Variants in BTBD2 observed in about 807,000 individuals in gnomAD.
The protein encoded by BTBD2 is BTB/POZ domain-containing protein 2.
In BTBD2, 15 loss-of-function variants were observed where a neutral mutation model predicts 44.0. That is an observed-to-expected ratio of 0.34 (90% confidence interval 0.23 to 0.53). The LOEUF (loss-of-function observed/expected upper bound fraction) is 0.53. BTBD2 is among the 20% of genes least tolerant of loss of function. The pLI, the probability that BTBD2 is intolerant of heterozygous loss-of-function variation, is 0.95. For synonymous variants in BTBD2, 443 were observed against 335.9 expected (o/e 1.32, Z -3.49); for missense variants, 657 against 746.4 (o/e 0.88, Z 1.39).
intron 1 of BTBD2, among the ~76,000 whole-genome samples, chr19:2,001,789 G>A (rs2016333550): frequency 6.6e-6 from 1 of 152,222 alleles, no homozygotes; most frequent in Non-Finnish European, 1.5e-5. Context: ...CCAGGCTGGA[G>A]TGCAGTGGCG....
At chr19:1,992,981 GGCCT>G in intron 3 of BTBD2, 35 bp downstream of exon 3, 1 of 505,172 alleles carries the variant, frequency 2.0e-6, no homozygotes, top group Non-Finnish European at 2.9e-6. Flanking sequence ...CCTCCAGCCA[GGCCT>G]GGCCCCGCCC....
At chr19:1,991,701 C>G (rs963306446) in intron 3 of BTBD2, among the ~76,000 whole-genome samples, 1 of 152,214 alleles carries the variant, frequency 6.6e-6, no homozygotes, top group Non-Finnish European at 1.5e-5. Context: ...CCGCTGTCCC[C>G]TCTGGCCACC....
chr19:2,015,325 GC>G lies in BTBD2; in HGVS notation c.378del (p.Leu127SerfsTer64). ...TGCGCGGGGATGCGCTGCGAGCTGAGCCCCTTGCCCACCAGGAAGTGCACGT... is the reference window on the plus strand; with the variant it reads ...TGCGCGGGGATGCGCTGCGAGCTGAGCCCTTGCCCACCAGGAAGTGCACGT... ...LCDVHFLVGK[G>X]LSSQRIPAHR... On this transcript the variant is annotated frameshift_variant, in exon 1 of 9. Transcript: ENST00000255608. LOFTEE classifies it high-confidence loss of function. The G allele has an allele frequency of 6.3e-7, 1 of 1,576,882 alleles. No homozygotes were observed. Among genetic ancestry groups the G allele is most frequent in the East Asian group, 2.3e-5 (1 of 43,748 alleles).
Position 2,011,113 on chromosome 19 carries a change from C to T in BTBD2, c.407+4184G>A, listed in dbSNP as rs565593869. Among the ~76,000 whole-genome samples, 16 of 152,198 alleles carry T rather than the reference C, an allele frequency of 1.1e-4. No individual in the cohort carries two copies. The East Asian group carries it at 2.9e-3, about 28-fold the overall frequency. ...CTCTGCGGACCTCTCAGCCCCAGGT[C>T]CCGCCAACACATCCAAGCCAGTACT... On this transcript the variant is annotated intron_variant, in intron 1 of 8. Transcript: ENST00000255608.
In BTBD2 at chr19:1,985,703, G is replaced by A. The variant is rs1351502712; in HGVS notation, c.*785C>T. 1 of 152,458 alleles carries A rather than the reference G, an allele frequency of 6.6e-6. No homozygotes were observed. Among genetic ancestry groups the A allele is most frequent in the Non-Finnish European group, 1.5e-5 (1 of 68,244 alleles). 9.4% of individuals were successfully genotyped at this position (152,458 alleles called of 1,614,324 possible). On this transcript the variant is annotated 3_prime_UTR_variant, in exon 9 of 9. Transcript: ENST00000255608. ...TCCTGGACCCGGTCGGGGCCGGCTG[G>A]GGCCCCATTCTGCGGCAGGGGAGCT...
Position 2,015,541 on chromosome 19 carries a change from GGGCGGCGGCGGC to G in BTBD2, c.151_162del (p.Ala51_Ala54del), listed in dbSNP as rs533915623. The G allele has an allele frequency of 0.2, 180,544 of 910,790 alleles. 17,220 individuals carry two copies. Among genetic ancestry groups the G allele is most frequent in the South Asian group, 0.3 (5,959 of 19,552 alleles). The allele number at this position is 910,790 out of a possible 1,614,324, so 56.4% of individuals were successfully genotyped here. On this transcript the variant is annotated inframe_deletion, in exon 1 of 9. Transcript: ENST00000255608. ...GGCGGGGCGGGCGGCGTCGGCCCAGGGGCGGCGGCGGCGGCGGCGGCGGCGGCGGCGGCGGCG... is the reference window on the plus strand; with the variant it reads ...GGCGGGGCGGGCGGCGTCGGCCCAGGGGCGGCGGCGGCGGCGGCGGCGGCG...
In BTBD2 at chr19:1,991,066, GAAGAAA is replaced by G. The variant is rs1407639260; in HGVS notation, c.685-250_685-245del. 8 of 451,548 alleles carry G rather than the reference GAAGAAA, an allele frequency of 1.8e-5. No homozygotes were observed. The East Asian group carries it at 2.9e-4, about 17-fold the overall frequency. 28.0% of individuals were successfully genotyped at this position (451,548 alleles called of 1,614,324 possible). ...CTCAGGACCTCAGAGGCCAAGGAAG[GAAGAAA>G]AAGATGCTCAGGTCCCTGTCGGCAG... is the stretch of plus-strand genomic sequence containing the variant. On this transcript the variant is annotated intron_variant, in intron 3 of 8. Transcript: ENST00000255608.
chr19:1,988,073 T>C (rs942959354), intron 5 of BTBD2: 6 of 212,216 alleles, frequency 2.8e-5, no homozygotes, highest in Admixed American at 1.0e-4. Context: ...GAGGGGTCAC[T>C]GTGGCTCCCT....
chr19:2,000,888 C>T (rs1599356038), intron 1 of BTBD2, among the ~76,000 whole-genome samples: 1 of 152,298 alleles, frequency 6.6e-6, no homozygotes, highest in Admixed American at 6.5e-5. Context: ...GGTGCAGATG[C>T]GCCTTGAAGA....
chr19:1,993,328 C>A, intron 2 of BTBD2, 152 bp from the exon 3 acceptor site: 2 of 1,146,736 alleles, frequency 1.7e-6, no homozygotes, highest in Middle Eastern at 2.5e-4. Flanking sequence ...GAGGAACCTT[C>A]CAGAATTAGC....
In BTBD2 at chr19:1,989,186, T is replaced by C. The variant is rs375576312; in HGVS notation, c.988+818A>G. ...AGATGGGAGGATGGCTGGAGCCCAG[T>C]TCATGACCAGCCCAGGTGACATAGC... is the stretch of plus-strand genomic sequence containing the variant. On this transcript the variant is annotated intron_variant, in intron 5 of 8. Coordinates refer to ENST00000255608, the MANE Select transcript of BTBD2 (RefSeq NM_017797.4). Among the ~76,000 whole-genome samples, 11 of 152,190 alleles carry C rather than the reference T, an allele frequency of 7.2e-5. No individual in the cohort carries two copies. The East Asian group carries it at 1.7e-3, about 24-fold the overall frequency.
chr19:2,014,910 G>A (rs1041850916), intron 1 of BTBD2, among the ~76,000 whole-genome samples: 2 of 151,626 alleles, frequency 1.3e-5, no homozygotes, highest in Non-Finnish European at 2.9e-5. Flanking sequence ...CAGAGGCCCA[G>A]AGTGCAGGCC....
intron 1 of BTBD2, among the ~76,000 whole-genome samples, chr19:2,007,563 C>T (rs1213443308): frequency 6.6e-6 from 1 of 152,124 alleles, no homozygotes; most frequent in East Asian, 1.9e-4. Context: ...AGGCCAGGGA[C>T]GGTAGCTCAC....
At chr19:2,001,464 C>A (rs2016329556) in intron 1 of BTBD2, among the ~76,000 whole-genome samples, 1 of 152,110 alleles carries the variant, frequency 6.6e-6, no homozygotes, top group Non-Finnish European at 1.5e-5. Flanking sequence ...TGCACTGCAC[C>A]CTGGGCTACA....
chr19:1,999,935 T>C lies in BTBD2; in HGVS notation c.408-2472A>G, dbSNP rs576434050. On this transcript the variant is annotated intron_variant, in intron 1 of 8. Coordinates refer to ENST00000255608, the MANE Select transcript of BTBD2 (RefSeq NM_017797.4). The stretch of plus-strand genomic sequence containing the variant: ...CAAGATCACGCCATTGCACTCCTGC[T>C]TGGGTGACAGAGCAAGACTAAAGAC... Among the ~76,000 whole-genome samples, 13 of 148,440 alleles carry C rather than the reference T, an allele frequency of 8.8e-5. No individual in the cohort carries two copies. The East Asian group carries it at 1.8e-3, about 20-fold the overall frequency.
chr19:2,001,510 G>A (rs1379921069), intron 1 of BTBD2, among the ~76,000 whole-genome samples: 2 of 152,122 alleles, frequency 1.3e-5, no homozygotes, highest in Non-Finnish European at 2.9e-5. Context: ...AAAGAAAACA[G>A]GTTAAAGACC....
At chr19:2,009,704 G>T (rs2016439290) in intron 1 of BTBD2, among the ~76,000 whole-genome samples, 1 of 151,440 alleles carries the variant, frequency 6.6e-6, no homozygotes, top group South Asian at 2.1e-4. Flanking sequence ...ACAAAAATTA[G>T]CTGGGCGTGG....
rs1446401424 is a variant in BTBD2, at chr19:2,015,598, G to C, written c.106C>G (p.Pro36Ala). 16 of 970,134 alleles carry C rather than the reference G, an allele frequency of 1.6e-5. No homozygotes were observed. Among genetic ancestry groups the C allele is most frequent in the Non-Finnish European group, 1.9e-5 (16 of 822,418 alleles). The allele number at this position is 970,134 out of a possible 1,614,324, so 60.1% of individuals were successfully genotyped here. The change falls in exon 1 of 9, where the codon CCG (proline) becomes GCG (alanine). Residue 36 changes from proline (P) to alanine (A), a missense_variant. Physicochemically the swap from Pro to Ala is conservative, Grantham distance 27 (BLOSUM62 -1). Transcript: ENST00000255608. ...GCGGCGGCCGCGTTGCCGGGGGCCG[G>C]GGTGGCGGCGGCGTTGGCGCTGGGC... The part of the protein sequence containing the change: ...PGPSANAAAT[P>A]APGNAAAAAA...
intron 2 of BTBD2, among the ~76,000 whole-genome samples, chr19:1,997,078 G>C (rs759640253): frequency 2.0e-5 from 3 of 151,474 alleles, no homozygotes; most frequent in Admixed American, 2.0e-4. Context: ...TACTTAGGAG[G>C]TTGAGGCAGG....
Sources: gnomAD v4.1 joint callset for allele counts (sites outside exome capture counted in the v4.1 genomes callset) on GRCh38, gnomAD v4.1.1 for gene constraint, MANE v1.5 for transcripts, NCBI Gene and HGNC (gene_info 2026-07-23, HGNC 2026-07-21) for gene names.